The following FAF2 variants were observed in gnomAD, a reference collection of about 807,000 sequenced individuals.
FAF2 encodes Fas associated factor family member 2, also known as FAS-associated factor 2.
FAF2 carries 9 observed loss-of-function variants against 62.3 expected under a neutral mutation model. The ratio of observed to expected loss-of-function variants is 0.14; its 90% confidence interval spans 0.09 to 0.25. FAF2 has a LOEUF of 0.25. Ranked by LOEUF, FAF2 falls within the 10% of genes least tolerant of loss-of-function variation. FAF2 has a pLI of 1.00. For missense variants in FAF2, 368 were observed against 556.2 expected, an observed-to-expected ratio of 0.66 and a Z score of 3.40; for synonymous variants, 202 against 198.0, an observed-to-expected ratio of 1.02 and a Z score of -0.17.
intron 1 of FAF2, among the ~76,000 whole-genome samples, chr5:176,452,600 G>A (rs1409877654): frequency 6.6e-6 from 1 of 152,206 alleles, no homozygotes; most frequent in East Asian, 1.9e-4. Context: ...GAGGAATAGA[G>A]TTTCAACATG....
At chr5:176,492,669 A>G (rs72807259) in intron 5 of FAF2, among the ~76,000 whole-genome samples, 5 of 152,168 alleles carry the variant, frequency 3.3e-5, no homozygotes, top group Non-Finnish European at 7.4e-5. Context: ...CATTTTTGCT[A>G]ATTGGAATCT....
At chr5:176,503,555 CAAAAA>C (rs5873537) in intron 10 of FAF2, among the ~76,000 whole-genome samples, 3 of 133,406 alleles carry the variant, frequency 2.2e-5, no homozygotes, top group Non-Finnish European at 3.2e-5. Context: ...AATTCTGTCT[CAAAAA>C]AAAAAAAAAA....
chr5:176,457,711 G>T (rs1239531224), intron 1 of FAF2, among the ~76,000 whole-genome samples: 1 of 151,918 alleles, frequency 6.6e-6, no homozygotes, highest in Admixed American at 6.6e-5. Flanking sequence ...CAGAAGTGAT[G>T]AATAGCAGAA....
chr5:176,479,196 T>C lies in FAF2; in HGVS notation c.72T>C (p.Thr24=), dbSNP rs1758750690. The part of the protein sequence containing the change: ...TEKLLQFQDL[T]GIESMDQCRH... The stretch of plus-strand genomic sequence containing the variant: ...TTCATCCTTCTTTTCAGGATCTCAC[T>C]GGCATCGAATCTATGGATCAGTGTC... The change falls in exon 2 of 11, where the codon ACT becomes ACC. Residue 24 remains threonine (T), a synonymous_variant. Transcript: ENST00000261942. 1.2e-6 allele frequency: 2 copies of C among 1,613,954 alleles called. No individual in the cohort carries two copies. The highest frequency in any genetic ancestry group is 1.1e-5 in the South Asian group (1 of 91,082).
intron 1 of FAF2, among the ~76,000 whole-genome samples, chr5:176,455,053 A>G (rs1030097249): frequency 1.3e-5 from 2 of 152,148 alleles, no homozygotes; most frequent in African/African-American, 4.8e-5. Flanking sequence ...AGCTTTAAAC[A>G]GGCTCTGTCT....
At chr5:176,450,880 A>G (rs563138233) in intron 1 of FAF2, among the ~76,000 whole-genome samples, 1 of 152,262 alleles carries the variant, frequency 6.6e-6, no homozygotes, top group South Asian at 2.1e-4. Flanking sequence ...GGTGGGTAGC[A>G]GGTTCGAGCT....
chr5:176,459,625 A>G (rs761444234), intron 1 of FAF2, among the ~76,000 whole-genome samples: 4 of 152,048 alleles, frequency 2.6e-5, no homozygotes. Context: ...GCAATTTGAG[A>G]TCTCTGACAG....
intron 1 of FAF2, among the ~76,000 whole-genome samples, chr5:176,470,414 C>T (rs1159940171): frequency 1.3e-5 from 2 of 152,216 alleles, no homozygotes; most frequent in African/African-American, 2.4e-5. Flanking sequence ...CCGGTGTGCA[C>T]TAAAAATGCA....
At chr5:176,475,035 C>T (rs1758662656) in intron 1 of FAF2, among the ~76,000 whole-genome samples, 1 of 152,152 alleles carries the variant, frequency 6.6e-6, no homozygotes, top group South Asian at 2.1e-4. Flanking sequence ...TGCTTCACTA[C>T]TTAAAAAGTG....
intron 1 of FAF2, among the ~76,000 whole-genome samples, chr5:176,461,734 G>A (rs1758383717): frequency 6.6e-6 from 1 of 151,940 alleles, no homozygotes; most frequent in Admixed American, 6.6e-5. Flanking sequence ...AGTTTGCGAA[G>A]ATTTTCTCCC....
chr5:176,471,163 T>C (rs1489593637), intron 1 of FAF2, among the ~76,000 whole-genome samples: 1 of 152,150 alleles, frequency 6.6e-6, no homozygotes, highest in Non-Finnish European at 1.5e-5. Context: ...TTCACTGCTG[T>C]CATTCTATTC....
intron 1 of FAF2, 43 bp downstream of exon 1, chr5:176,448,513 G>C: frequency 3.2e-6 from 5 of 1,553,740 alleles, no homozygotes; most frequent in Non-Finnish European, 4.4e-6. Flanking sequence ...CCGTGGGATG[G>C]GGAGTAGGCC....
intron 7 of FAF2, 150 bp from the exon 8 acceptor site, chr5:176,496,336 G>T: frequency 1.9e-6 from 1 of 533,450 alleles, no homozygotes; most frequent in South Asian, 5.1e-5. Flanking sequence ...AAAGAAACTA[G>T]GAGGCGGGGA....
intron 1 of FAF2, among the ~76,000 whole-genome samples, chr5:176,449,721 C>T (rs1204879873): frequency 1.3e-5 from 2 of 152,224 alleles, no homozygotes; most frequent in African/African-American, 4.8e-5. Flanking sequence ...GTTATTGATA[C>T]ACTTATTTCC....
chr5:176,500,349 C>T (rs1316220673), intron 10 of FAF2, among the ~76,000 whole-genome samples: 1 of 152,112 alleles, frequency 6.6e-6, no homozygotes, highest in Non-Finnish European at 1.5e-5. Context: ...GTTCTAGTTT[C>T]CAACTCAAAG....
intron 1 of FAF2, among the ~76,000 whole-genome samples, chr5:176,476,642 T>A: frequency 7.3e-6 from 1 of 137,448 alleles, no homozygotes; most frequent in Non-Finnish European, 1.6e-5. Flanking sequence ...TTTTTTTTTT[T>A]TTTTTTTTGA....
chr5:176,485,572 AG>A (rs1264171784), intron 2 of FAF2, among the ~76,000 whole-genome samples: 1 of 152,232 alleles, frequency 6.6e-6, no homozygotes, highest in African/African-American at 2.4e-5. Context: ...GACAGAGTTA[AG>A]GAGGGAATGA....
At chr5:176,476,804 ATTTTT>A (rs749952460) in intron 1 of FAF2, among the ~76,000 whole-genome samples, 1 of 92,870 alleles carries the variant, frequency 1.1e-5, no homozygotes. Context: ...TGCTGAACTA[ATTTTT>A]TTTTTTTTTT....
intron 1 of FAF2, among the ~76,000 whole-genome samples, chr5:176,460,555 T>TA (rs1491182423): frequency 2.7e-5 from 4 of 148,824 alleles, no homozygotes; most frequent in Non-Finnish European, 6.0e-5. Flanking sequence ...TGTGTGTGTA[T>TA]TTTTTTTTTC....
Sources: allele counts gnomAD v4.1 joint callset (sites outside exome capture counted in the v4.1 genomes callset), GRCh38; gene constraint gnomAD v4.1.1; transcripts MANE v1.5; gene names NCBI Gene and HGNC (gene_info 2026-07-23, HGNC 2026-07-21).